MEGF10: variants seen among roughly 807,000 people sequenced by gnomAD.
The protein encoded by MEGF10 is multiple EGF like domains 10.
In MEGF10, 86 loss-of-function variants were observed where a neutral mutation model predicts 147.5. The ratio of observed to expected loss-of-function variants is 0.58; its 90% CI spans 0.49 to 0.70. The LOEUF (loss-of-function observed/expected upper bound fraction) is 0.70. Ranked by LOEUF, MEGF10 falls within the 30% of genes least tolerant of loss-of-function variation. The probability of loss-of-function intolerance (pLI) is 0.00; values close to 1 mark genes in which losing one functional copy is unlikely to be tolerated. For synonymous variants in MEGF10, 478 were observed against 525.5 expected, an observed-to-expected ratio of 0.91 and a Z score of 1.24; for missense variants, 1,329 against 1,487.3, an observed-to-expected ratio of 0.89 and a Z score of 1.75.
intron 5 of MEGF10, among the ~76,000 whole-genome samples, chr5:127,395,609 G>GCTCAC (rs1763880786): frequency 7.7e-6 from 1 of 130,398 alleles, no homozygotes; most frequent in Admixed American, 9.4e-5. Context: ...CAGTGGCGCA[G>GCTCAC]TCTTAGCTCA....
rs755639288 is a variant in MEGF10, at chr5:127,447,680, C to T, written c.2852C>T (p.Thr951Met). ...AACAACAGGGACAGGATGACTGTCACGAAGGTGAGAGGAATTGGTTCAAGT... is the reference window on the plus strand; with the variant it reads ...AACAACAGGGACAGGATGACTGTCATGAAGGTGAGAGGAATTGGTTCAAGT... ...HVNNRDRMTVTKSKNNQLFVN... is the reference protein window; with the variant it reads ...HVNNRDRMTVMKSKNNQLFVN... Residue 951 changes from threonine (T) to methionine (M), a missense_variant, in exon 21 of 25, where the codon ACG becomes ATG. By Grantham distance (81) the Thr-to-Met change is moderately conservative (BLOSUM62 -1). Transcript: ENST00000503335. 2.2e-5 allele frequency: 35 copies of T among 1,613,794 alleles called. No individual in the cohort carries two copies. In the Admixed American group the frequency reaches 4.7e-4, roughly 22 times the overall value.
At chr5:127,313,521 T>G (rs1216153782) in intron 1 of MEGF10, among the ~76,000 whole-genome samples, 1 of 152,240 alleles carries the variant, frequency 6.6e-6, no homozygotes, top group African/African-American at 2.4e-5. Flanking sequence ...TTAACATTTG[T>G]ACACACTTAT....
chr5:127,387,922 A>G (rs1266072403), intron 5 of MEGF10, among the ~76,000 whole-genome samples: 1 of 152,128 alleles, frequency 6.6e-6, no homozygotes, highest in African/African-American at 2.4e-5. Context: ...TTAGGAGAGA[A>G]GAATGTACCT....
chr5:127,327,396 A>G (rs937223238), intron 1 of MEGF10, among the ~76,000 whole-genome samples: 1 of 152,214 alleles, frequency 6.6e-6, no homozygotes, highest in African/African-American at 2.4e-5. Flanking sequence ...AGATTTGAAT[A>G]TATTCAAAAT....
rs1407234293 is a variant in MEGF10 at position 127,461,199 on chromosome 5, T to C, written c.*3881T>C. ...ATCACCAAATGAGTTTATAGATTAA[T>C]GCAATAAACTTTCTAATAAAAAACT... On this transcript the variant is annotated 3_prime_UTR_variant, in exon 25 of 25. Transcript: ENST00000503335. 1 of 152,234 alleles carries C rather than the reference T, an allele frequency of 6.6e-6. No individual in the cohort carries two copies. The highest frequency in any genetic ancestry group is 1.5e-5 in the Non-Finnish European group (1 of 68,048). 9.4% of individuals were successfully genotyped at this position (152,234 alleles called of 1,614,324 possible).
At chr5:127,234,673 A>T in the MEGF10 span, among the ~76,000 whole-genome samples, 1 of 152,330 alleles carries the variant, frequency 6.6e-6, no homozygotes, top group East Asian at 1.9e-4. Flanking sequence ...TGAATTGATT[A>T]TATTTAGGGA....
chr5:127,321,442 C>G (rs1018181140), intron 1 of MEGF10, among the ~76,000 whole-genome samples: 1 of 151,432 alleles, frequency 6.6e-6, no homozygotes, highest in Non-Finnish European at 1.5e-5. Context: ...TGTGTGTGTG[C>G]GTGTTCATGC....
intron 5 of MEGF10, among the ~76,000 whole-genome samples, chr5:127,390,002 TA>T (rs908416913): frequency 1.3e-5 from 2 of 152,168 alleles, no homozygotes; most frequent in African/African-American, 4.8e-5. Flanking sequence ...TAAAAAACCT[TA>T]CTGCTTGATT....
At chr5:127,250,036 C>A in the MEGF10 span, among the ~76,000 whole-genome samples, 2 of 152,018 alleles carry the variant, frequency 1.3e-5, 1 homozygote, top group Admixed American at 1.3e-4. Flanking sequence ...ATGGTCTTAC[C>A]TCTTAATACT....
the MEGF10 span, among the ~76,000 whole-genome samples, chr5:127,272,085 G>T: frequency 6.6e-6 from 1 of 152,058 alleles, no homozygotes; most frequent in African/African-American, 2.4e-5. Flanking sequence ...TCTCAAGATG[G>T]ATATCTTGAC....
intron 1 of MEGF10, among the ~76,000 whole-genome samples, chr5:127,297,711 A>G (rs1486297662): frequency 6.6e-6 from 1 of 152,222 alleles, no homozygotes; most frequent in East Asian, 1.9e-4. Flanking sequence ...ATAGGCACTT[A>G]CAGGACCTGC....
intron 4 of MEGF10, among the ~76,000 whole-genome samples, chr5:127,344,675 T>C (rs571694953): frequency 7.9e-4 from 121 of 152,246 alleles, no homozygotes; most frequent in African/African-American, 2.7e-3. Flanking sequence ...GTTGAGAAAA[T>C]TCTCCGTTCT....
the MEGF10 span, among the ~76,000 whole-genome samples, chr5:127,247,375 A>G: frequency 0.13 from 1,720 of 13,074 alleles, 140 homozygotes; most frequent in Middle Eastern, 0.25. Context: ...GAAGAAGAAG[A>G]AGAAGAAGAA....
At chr5:127,408,709 A>G (rs1196610299) in intron 8 of MEGF10, among the ~76,000 whole-genome samples, 2 of 152,182 alleles carry the variant, frequency 1.3e-5, no homozygotes, top group Admixed American at 6.5e-5. Flanking sequence ...GAATCTGTGA[A>G]ACTAAATTTA....
chr5:127,441,457 C>T (rs1047545790), intron 18 of MEGF10, among the ~76,000 whole-genome samples: 1 of 152,166 alleles, frequency 6.6e-6, no homozygotes, highest in African/African-American at 2.4e-5. Context: ...GGAGAATATG[C>T]CGTTGGAATT....
At position 127,460,909 on chromosome 5, in the gene MEGF10, C is replaced by T. The variant is rs1341106088; in HGVS notation, c.*3591C>T. 1 of 152,110 alleles carries T rather than the reference C, an allele frequency of 6.6e-6. No homozygotes were observed. Among genetic ancestry groups the T allele is most frequent in the Non-Finnish European group, 1.5e-5 (1 of 68,010 alleles). The allele number at this position is 152,110 out of a possible 1,614,324, so 9.4% of individuals were successfully genotyped here. On this transcript the variant is annotated 3_prime_UTR_variant, in exon 25 of 25. Coordinates refer to ENST00000503335, the MANE Select transcript of MEGF10 (RefSeq NM_001256545.2). ...GTATGGATGTTTGCTTGTTTATTAA[C>T]TAAAGATGTACAGCAAACTGCCCGT...
At chr5:127,268,998 C>T in the MEGF10 span, among the ~76,000 whole-genome samples, 5 of 152,214 alleles carry the variant, frequency 3.3e-5, no homozygotes, top group South Asian at 4.1e-4. Context: ...GGCCCTCCAG[C>T]ACACTCCAAC....
At chr5:127,349,330 G>C (rs1385541100) in intron 4 of MEGF10, among the ~76,000 whole-genome samples, 2 of 151,868 alleles carry the variant, frequency 1.3e-5, no homozygotes, top group Non-Finnish European at 2.9e-5. Context: ...TGAATTTCTT[G>C]ATATTTATTT....
At position 127,438,448 on chromosome 5, in the gene MEGF10, C is replaced by T. The variant is rs1580871043; in HGVS notation, c.2114C>T (p.Pro705Leu). The stretch of plus-strand genomic sequence containing the variant: ...ATACCTGTAATTTCAGCATGTCCAC[C>T]TGCCCACTGGGGCCCAAACTGCATC... ...IGSDCSQPCP[P>L]AHWGPNCIHT... The change falls in exon 17 of 25, where the codon CCT becomes CTT. Residue 705 changes from proline to leucine, a missense_variant. Around this residue, in one of 3 missense-constraint regions of MEGF10, gnomAD observed 980 missense variants for 1,085.9 expected, o/e 0.90. Transcript: ENST00000503335. 2 of 1,614,024 alleles carry T rather than the reference C, an allele frequency of 1.2e-6. No individual in the cohort carries two copies. The highest frequency in any genetic ancestry group is 2.2e-5 in the East Asian group (1 of 44,870).
Sources: allele counts gnomAD v4.1 joint callset (sites outside exome capture counted in the v4.1 genomes callset), GRCh38; gene constraint gnomAD v4.1.1; regional missense constraint gnomAD v4.1.1; transcripts MANE v1.5; gene names NCBI Gene and HGNC (gene_info 2026-07-23, HGNC 2026-07-21).